CCDC15: variants seen among roughly 807,000 people sequenced by gnomAD.
CCDC15 encodes coiled-coil domain-containing protein 15.
A neutral mutation model predicts 114.5 loss-of-function variants in CCDC15; 105 were observed. The observed-to-expected ratio is 0.92, with a 90% CI of 0.78 to 1.08. CCDC15 has a LOEUF of 1.08. Ranked by LOEUF, CCDC15 falls within the 50% of genes least tolerant of loss-of-function variation. The pLI is 0.00. For missense variants in CCDC15, 1,105 were observed against 1,093.6 expected (o/e 1.01, Z -0.15); for synonymous variants, 334 against 377.8 (o/e 0.88, Z 1.34).
intron 11 of CCDC15, among the ~76,000 whole-genome samples, chr11:124,997,582 C>T (rs576898959): frequency 2.2e-4 from 34 of 152,286 alleles, no homozygotes; most frequent in African/African-American, 7.9e-4. Context: ...AGCCACTGCT[C>T]CTGGCCATCA....
chr11:124,999,412 T>C (rs1257182887), intron 11 of CCDC15, among the ~76,000 whole-genome samples: 1 of 152,180 alleles, frequency 6.6e-6, no homozygotes, highest in East Asian at 1.9e-4. Flanking sequence ...TTTTAGACCT[T>C]TTGATATTGT....
chr11:125,029,082 C>A (rs547104264), intron 13 of CCDC15, among the ~76,000 whole-genome samples: 1 of 152,102 alleles, frequency 6.6e-6, no homozygotes, highest in Non-Finnish European at 1.5e-5. Context: ...GAGGCTAGGC[C>A]GGTCTTTCTT....
chr11:124,984,994 C>G (rs1257044419), intron 6 of CCDC15, among the ~76,000 whole-genome samples: 1 of 152,230 alleles, frequency 6.6e-6, no homozygotes, highest in African/African-American at 2.4e-5. Context: ...GAGAAACCCT[C>G]TATCTCATTC....
intron 11 of CCDC15, among the ~76,000 whole-genome samples, chr11:124,998,737 C>CTTT (rs35263582): frequency 7.7e-6 from 1 of 129,938 alleles, no homozygotes; most frequent in Non-Finnish European, 1.6e-5. Context: ...AGAGTCTCTA[C>CTTT]TTTTTTTTTT....
At chr11:124,968,627 C>T (rs1183024527) in intron 4 of CCDC15, among the ~76,000 whole-genome samples, 1 of 152,062 alleles carries the variant, frequency 6.6e-6, no homozygotes, top group East Asian at 1.9e-4. Context: ...GAGGCGATGC[C>T]CCACCCTGCT....
At chr11:125,021,460 C>T (rs556871568) in intron 13 of CCDC15, among the ~76,000 whole-genome samples, 3 of 151,750 alleles carry the variant, frequency 2.0e-5, no homozygotes, top group East Asian at 1.9e-4. Context: ...TGTGATTTTT[C>T]GGAGAGCCAC....
chr11:124,997,831 A>G (rs1948401585), intron 11 of CCDC15, among the ~76,000 whole-genome samples: 1 of 152,170 alleles, frequency 6.6e-6, no homozygotes, highest in African/African-American at 2.4e-5. Flanking sequence ...AATCGCAGCT[A>G]CAGGGGTGGC....
At chr11:125,005,454 A>G (rs1409499424) in intron 13 of CCDC15, among the ~76,000 whole-genome samples, 1 of 152,142 alleles carries the variant, frequency 6.6e-6, no homozygotes, top group Non-Finnish European at 1.5e-5. Context: ...CAGAAAGTAC[A>G]GAGAGTATAC....
At chr11:124,994,617 T>G (rs1948332418) in intron 11 of CCDC15, among the ~76,000 whole-genome samples, 2 of 152,160 alleles carry the variant, frequency 1.3e-5, no homozygotes, top group Admixed American at 1.3e-4. Context: ...CCATGGCCAG[T>G]ACTAGATCTC....
chr11:124,975,960 T>C (rs1166040507), intron 5 of CCDC15, among the ~76,000 whole-genome samples: 3 of 152,016 alleles, frequency 2.0e-5, no homozygotes. Flanking sequence ...TAAAATGACA[T>C]TGTTTTGGTG....
rs983926243 is a variant in CCDC15 at position 124,986,684 on chromosome 11, T to C, written c.754-58T>C. ...ACATGGTGCTGTGTGTGTGTGTGTG[T>C]GTGTGTTTGTGTGTGTGCGCGCGCG... On this transcript the variant is annotated intron_variant, in intron 6 of 15. Coordinates refer to ENST00000344762, the MANE Select transcript of CCDC15 (RefSeq NM_025004.3). 2.9e-6 allele frequency: 4 copies of C among 1,395,324 alleles called. 1 individual carries two copies. In the African/African-American group the frequency reaches 4.8e-5, roughly 17 times the overall value. 86.4% of individuals were successfully genotyped at this position (1,395,324 alleles called of 1,614,324 possible). A position where few individuals can be genotyped will look rare whatever the true frequency, so the allele number is the denominator to read the frequency against.
chr11:124,977,376 CCTA>C, intron 5 of CCDC15, 99 bp from the exon 6 acceptor site: 11 of 1,142,184 alleles, frequency 9.6e-6, no homozygotes, highest in Non-Finnish European at 1.2e-5. Context: ...ACTACCAAAA[CCTA>C]CTAAGATAAT....
chr11:125,003,966 A>G lies in CCDC15; in HGVS notation c.2307+7A>G. On this transcript the variant is annotated splice_region_variant and intron_variant, in intron 12 of 15. Transcript: ENST00000344762. ...AGAAGAAGATAAGAAAGAGGTATGT[A>G]ATGATACTGCTTTTGGATCCCAATA... 7.2e-7 allele frequency: 1 copy of G among 1,390,594 alleles called. No individual in the cohort carries two copies. Among genetic ancestry groups the G allele is most frequent in the Non-Finnish European group, 9.7e-7 (1 of 1,033,580 alleles). The allele number at this position is 1,390,594 out of a possible 1,614,324, so 86.1% of individuals were successfully genotyped here. A position where few individuals can be genotyped will look rare whatever the true frequency, so the allele number is the denominator to read the frequency against.
At chr11:124,991,883 C>T (rs1425189427) in intron 9 of CCDC15, among the ~76,000 whole-genome samples, 2 of 152,292 alleles carry the variant, frequency 1.3e-5, no homozygotes, top group African/African-American at 4.8e-5. Context: ...GGGGTTTCAA[C>T]ATGTTGGCCA....
chr11:125,000,363 T>C (rs1948458026), intron 11 of CCDC15, among the ~76,000 whole-genome samples: 1 of 152,156 alleles, frequency 6.6e-6, no homozygotes, highest in African/African-American at 2.4e-5. Context: ...GTCTGTCCCA[T>C]ACATGCACAA....
intron 11 of CCDC15, among the ~76,000 whole-genome samples, chr11:125,002,713 A>G (rs1240652313): frequency 6.6e-6 from 1 of 152,120 alleles, no homozygotes; most frequent in Admixed American, 6.6e-5. Flanking sequence ...TATAAATGTA[A>G]GAGTTTATTT....
intron 4 of CCDC15, among the ~76,000 whole-genome samples, chr11:124,960,745 A>T (rs1409694566): frequency 6.6e-6 from 1 of 152,192 alleles, no homozygotes; most frequent in Non-Finnish European, 1.5e-5. Flanking sequence ...TCATCCATTC[A>T]CATTGCTTGA....
At position 125,003,963 on chromosome 11, in the gene CCDC15, TG is replaced by T; in HGVS notation, c.2307+5del. On this transcript the variant is annotated splice_donor_5th_base_variant and intron_variant, in intron 12 of 15. Transcript: ENST00000344762. ...TAAAGAAGAAGATAAGAAAGAGGTATGTAATGATACTGCTTTTGGATCCCAA... is the reference window on the plus strand; with the variant it reads ...TAAAGAAGAAGATAAGAAAGAGGTATTAATGATACTGCTTTTGGATCCCAA... 6.9e-7 allele frequency: 1 copy of T among 1,447,336 alleles called. No individual in the cohort carries two copies. The highest frequency in any genetic ancestry group is 9.3e-7 in the Non-Finnish European group (1 of 1,081,030). 89.7% of individuals were successfully genotyped at this position (1,447,336 alleles called of 1,614,324 possible).
At position 125,039,030 on chromosome 11, in the gene CCDC15, ACCTGTGC is replaced by A; in HGVS notation, c.2697_2703del (p.Cys900ThrfsTer47). 6.2e-7 allele frequency: 1 copy of A among 1,608,298 alleles called. No individual in the cohort carries two copies. Among genetic ancestry groups the A allele is most frequent in the Non-Finnish European group, 8.5e-7 (1 of 1,175,872 alleles). ...TGATTTTTGGGATGCTCATCCTGAT[ACCTGTGC>A]CAACAACTGTATTTTCTATAAAAAC... On this transcript the variant is annotated frameshift_variant, in exon 15 of 16. Coordinates refer to ENST00000344762, the MANE Select transcript of CCDC15 (RefSeq NM_025004.3). LOFTEE classifies it high-confidence loss of function.
Sources: allele counts gnomAD v4.1 joint callset (sites outside exome capture counted in the v4.1 genomes callset), GRCh38; gene constraint gnomAD v4.1.1; transcripts MANE v1.5; gene names NCBI Gene and HGNC (gene_info 2026-07-23, HGNC 2026-07-21).